IFT74: variants seen among roughly 807,000 people sequenced by gnomAD.
IFT74 encodes intraflagellar transport 74.
IFT74 carries 92 observed loss-of-function variants against 96.7 expected under a neutral mutation model. The observed-to-expected ratio is 0.95, with a 90% confidence interval of 0.80 to 1.13. The LOEUF is 1.13. IFT74 is among the 50% of genes most tolerant of loss of function. The pLI is 0.00. For synonymous variants in IFT74, 223 were observed against 213.2 expected, an observed-to-expected ratio of 1.05 and a Z score of -0.40; for missense variants, 811 against 698.2, an observed-to-expected ratio of 1.16 and a Z score of -1.82.
At position 27,028,937 on chromosome 9, in the gene IFT74, C is replaced by T. The variant is rs1223770694; in HGVS notation, c.975-88C>T. 7 of 1,192,798 alleles carry T rather than the reference C, an allele frequency of 5.9e-6. No homozygotes were observed. The African/African-American group carries it at 9.4e-5, about 16-fold the overall frequency. The allele number at this position is 1,192,798 out of a possible 1,614,324, so 73.9% of individuals were successfully genotyped here. On this transcript the variant is annotated intron_variant, in intron 12 of 19. Coordinates refer to ENST00000380062, the MANE Select transcript of IFT74 (RefSeq NM_025103.4). ...TTATTTTTAGATATTGTTTATGCAA[C>T]TTGGAAAAGATATCTAACCTCCCCA...
At chr9:27,017,101 A>T in intron 11 of IFT74, 51 bp downstream of exon 11, 1 of 1,502,426 alleles carries the variant, frequency 6.7e-7, no homozygotes, top group Admixed American at 2.2e-5. Flanking sequence ...TGGTACATGT[A>T]TTGATTTGTT....
At chr9:27,011,754 A>C in intron 9 of IFT74, 152 bp from the exon 10 acceptor site, 1 of 411,326 alleles carries the variant, frequency 2.4e-6, no homozygotes. Context: ...AAAATGTAAG[A>C]TGCCAGTGAA....
intron 8 of IFT74, among the ~76,000 whole-genome samples, chr9:26,997,212 CAA>C (rs59898737): frequency 1.5e-3 from 213 of 138,964 alleles, no homozygotes; most frequent in African/African-American, 4.7e-3. Context: ...AACTCTGTCT[CAA>C]AAAAAAAAAA....
chr9:27,012,735 T>TTTTTTTA (rs1432648656), intron 10 of IFT74, among the ~76,000 whole-genome samples: 4 of 118,094 alleles, frequency 3.4e-5, no homozygotes, highest in East Asian at 4.4e-4. Flanking sequence ...TTTTTTTTTT[T>TTTTTTTA]AGACAGAGTA....
At chr9:27,037,700 A>T (rs1164699349) in intron 13 of IFT74, among the ~76,000 whole-genome samples, 1 of 152,256 alleles carries the variant, frequency 6.6e-6, no homozygotes, top group Non-Finnish European at 1.5e-5. Flanking sequence ...TGGTCAAGCC[A>T]GGTCTTGTGT....
rs1820219526 is a variant in IFT74 at position 27,057,520 on chromosome 9, T to A, written c.1623+1061T>A. 2.6e-5 allele frequency among the ~76,000 whole-genome samples: 4 copies of A among 152,314 alleles called. No individual in the cohort carries two copies. In the South Asian group the frequency reaches 8.3e-4, roughly 32 times the overall value. ...CATTCTTATATCTAATTAGTCTATA[T>A]TAGAAATTTGCACACATGGTTTAAA... On this transcript the variant is annotated intron_variant, in intron 18 of 19. Transcript: ENST00000380062.
intron 1 of IFT74, among the ~76,000 whole-genome samples, chr9:26,948,541 T>G (rs1825831130): frequency 7.4e-6 from 1 of 135,062 alleles, no homozygotes; most frequent in Non-Finnish European, 1.5e-5. Context: ...CGATCTCGGC[T>G]CACTGCAACC....
intron 6 of IFT74, among the ~76,000 whole-genome samples, chr9:26,986,250 G>A (rs1827626583): frequency 6.6e-6 from 1 of 151,602 alleles, no homozygotes; most frequent in South Asian, 2.1e-4. Context: ...GCTAATTATA[G>A]TATAACTTTT....
At chr9:26,998,335 C>G in intron 8 of IFT74, 4 of 739,370 alleles carry the variant, frequency 5.4e-6, no homozygotes, top group Non-Finnish European at 8.0e-6. Flanking sequence ...ATTAGAAGGA[C>G]GTTATTTTGG....
At chr9:27,045,232 A>G (rs960047636) in intron 14 of IFT74, among the ~76,000 whole-genome samples, 1 of 152,212 alleles carries the variant, frequency 6.6e-6, no homozygotes, top group African/African-American at 2.4e-5. Context: ...TGAGGGATCT[A>G]GGTTGTACTC....
At chr9:26,972,766 C>T (rs1826933959) in intron 2 of IFT74, among the ~76,000 whole-genome samples, 1 of 152,130 alleles carries the variant, frequency 6.6e-6, no homozygotes, top group African/African-American at 2.4e-5. Flanking sequence ...CCATTCGGGC[C>T]TTATTCTTTG....
chr9:26,948,733 G>T (rs761183262), intron 1 of IFT74, among the ~76,000 whole-genome samples: 1 of 151,792 alleles, frequency 6.6e-6, no homozygotes, highest in Non-Finnish European at 1.5e-5. Flanking sequence ...CAAAGTGCTG[G>T]ATTATAAGCG....
At chr9:27,026,316 C>G (rs1018389534) in intron 12 of IFT74, among the ~76,000 whole-genome samples, 11 of 152,072 alleles carry the variant, frequency 7.2e-5, no homozygotes, top group African/African-American at 2.7e-4. Context: ...AACACTAGAG[C>G]TCCCAAATGT....
intron 12 of IFT74, among the ~76,000 whole-genome samples, chr9:27,027,660 T>C (rs1169040771): frequency 6.6e-6 from 1 of 152,198 alleles, no homozygotes; most frequent in East Asian, 1.9e-4. Flanking sequence ...ACTAGATTGT[T>C]TTTGATTACT....
rs754470867 is a variant in IFT74, at chr9:27,044,749, G to A, written c.1062G>A (p.Met354Ile). The A allele has an allele frequency of 5.7e-6, 9 of 1,566,358 alleles. No individual in the cohort carries two copies. The African/African-American group carries it at 1.1e-4, about 19-fold the overall frequency. The stretch of plus-strand genomic sequence containing the variant: ...ATTTTATATCTCTCATAGGTGAAAT[G>A]AACCAGAAATACAAGGAGCTAAAGA... The part of the protein sequence containing the change: ...DMDLEEHQGE[M>I]NQKYKELKKR... The change falls in exon 14 of 20, where the codon ATG (methionine) becomes ATA (isoleucine). Residue 354 changes from methionine (M) to isoleucine (I), a missense_variant. Met to Ile is a conservative substitution (Grantham distance 10). Coordinates refer to ENST00000380062, the MANE Select transcript of IFT74 (RefSeq NM_025103.4).
At chr9:27,061,941 G>A (rs1820444088) in intron 19 of IFT74, among the ~76,000 whole-genome samples, 1 of 152,128 alleles carries the variant, frequency 6.6e-6, no homozygotes, top group South Asian at 2.1e-4. Flanking sequence ...TTGTGAAGTT[G>A]TAACAGATAT....
rs1362523010 is a variant in IFT74, at chr9:26,978,964, C to G, written c.256+701C>G. ...ATATAAACCAAACTATGGTAAACTC[C>G]TTTTTCTTTTCTTTTTATCATAGGC... On this transcript the variant is annotated intron_variant, in intron 3 of 19. Transcript: ENST00000380062. Among the ~76,000 whole-genome samples, 13 of 152,026 alleles carry G rather than the reference C, an allele frequency of 8.6e-5. No individual in the cohort carries two copies. In the East Asian group the frequency reaches 2.5e-3, roughly 29 times the overall value.
chr9:27,051,188 C>T (rs1819904953), intron 16 of IFT74, among the ~76,000 whole-genome samples: 2 of 152,040 alleles, frequency 1.3e-5, no homozygotes, highest in South Asian at 4.1e-4. Flanking sequence ...AATAGAACTG[C>T]CCAAGGGTTT....
Position 26,991,934 on chromosome 9 carries a change from C to A in IFT74, c.587+1739C>A, listed in dbSNP as rs1167352736. Among the ~76,000 whole-genome samples the A allele has an allele frequency of 9.2e-5, 14 of 152,010 alleles. No individual in the cohort carries two copies. In the East Asian group the frequency reaches 2.7e-3, roughly 30 times the overall value. On this transcript the variant is annotated intron_variant, in intron 8 of 19. Transcript: ENST00000380062. ...GTCCCAGCTACTCGGGAGACTGAAGCAGGAGAATCACTTGAACCTGGGAGG... is the reference window on the plus strand; with the variant it reads ...GTCCCAGCTACTCGGGAGACTGAAGAAGGAGAATCACTTGAACCTGGGAGG...
Sources: allele counts gnomAD v4.1 joint callset (sites outside exome capture counted in the v4.1 genomes callset), GRCh38; gene constraint gnomAD v4.1.1; transcripts MANE v1.5; gene names NCBI Gene and HGNC (gene_info 2026-07-23, HGNC 2026-07-21).